Variants in ERICH1 observed in about 807,000 individuals in gnomAD.
ERICH1 encodes glutamate-rich protein 1.
Under a neutral mutation model 39.6 loss-of-function variants are expected in ERICH1, and 56 were observed. The observed-to-expected ratio is 1.41, with a 90% CI of 1.14 to 1.77. The LOEUF is 1.77. Among genes scored for constraint, ERICH1 ranks in the 40% most tolerant of loss-of-function variants. ERICH1 has a pLI of 0.00. For missense variants in ERICH1, 826 were observed against 575.4 expected (o/e 1.44, Z -4.45); for synonymous variants, 313 against 223.6 (o/e 1.40, Z -3.57).
intron 3 of ERICH1, among the ~76,000 whole-genome samples, chr8:641,628 G>A (rs1194836358): frequency 6.6e-6 from 1 of 152,232 alleles, no homozygotes; most frequent in East Asian, 1.9e-4. Flanking sequence ...ACTGGGAGGA[G>A]GTAGTGTGTC....
At chr8:668,529 A>C (rs1034509084) in intron 5 of ERICH1, 69 bp downstream of exon 5, 2 of 1,559,192 alleles carry the variant, frequency 1.3e-6, no homozygotes, top group Non-Finnish European at 1.8e-6. Flanking sequence ...GTGGCGTGTA[A>C]GTCTTTCAGA....
intron 3 of ERICH1, among the ~76,000 whole-genome samples, chr8:688,695 G>C (rs1808220380): frequency 6.6e-6 from 1 of 152,184 alleles, no homozygotes; most frequent in Admixed American, 6.5e-5. Flanking sequence ...AGAGAAGTGG[G>C]GAAAGGTAGT....
At chr8:668,122 T>C (rs1002548386) in intron 5 of ERICH1, 7 of 215,950 alleles carry the variant, frequency 3.2e-5, no homozygotes, top group Non-Finnish European at 5.6e-5. Context: ...GCACACGGCA[T>C]TGGGAAGACA....
chr8:690,471 C>T (rs977509620), intron 3 of ERICH1, among the ~76,000 whole-genome samples: 1 of 152,236 alleles, frequency 6.6e-6, no homozygotes, highest in Non-Finnish European at 1.5e-5. Flanking sequence ...AAGGGCAGGC[C>T]CTCAGCCTGT....
chr8:651,595 G>T (rs1278395084), intron 3 of ERICH1, among the ~76,000 whole-genome samples: 1 of 152,096 alleles, frequency 6.6e-6, no homozygotes, highest in African/African-American at 2.4e-5. Context: ...ACGGAGAGCT[G>T]GGGGCAGGGG....
chr8:694,462 G>A (rs1371757504), intron 2 of ERICH1, among the ~76,000 whole-genome samples: 2 of 152,232 alleles, frequency 1.3e-5, no homozygotes, highest in African/African-American at 4.8e-5. Flanking sequence ...ATGGACACGG[G>A]AGGGATCAGG....
At chr8:724,671 A>G (rs1418616204) in intron 1 of ERICH1, among the ~76,000 whole-genome samples, 1 of 152,002 alleles carries the variant, frequency 6.6e-6, no homozygotes, top group Non-Finnish European at 1.5e-5. Flanking sequence ...GATAAACTAC[A>G]CCTTTTACTC....
chr8:639,588 G>A (rs11775746), intron 3 of ERICH1, among the ~76,000 whole-genome samples: 47,025 of 135,860 alleles, frequency 0.35, 8,704 homozygotes, highest in South Asian at 0.44. Flanking sequence ...TAGCAGACAC[G>A]ACCAAGCACC....
Position 664,458 on chromosome 8 carries a change from C to G in ERICH1, c.*145G>C, listed in dbSNP as rs1315157719. ...TCTCATCTGAAGCCTCAGATGGCAT[C>G]TTGCCCACCAGGAACAAACACGTGA... On this transcript the variant is annotated 3_prime_UTR_variant, in exon 6 of 6. Transcript: ENST00000262109. The G allele has an allele frequency of 2.4e-6, 3 of 1,273,796 alleles. No individual in the cohort carries two copies. The highest frequency in any genetic ancestry group is 3.0e-5 in the African/African-American group (2 of 66,484). 78.9% of individuals were successfully genotyped at this position (1,273,796 alleles called of 1,614,324 possible).
intron 3 of ERICH1, among the ~76,000 whole-genome samples, chr8:618,528 G>A (rs1368758718): frequency 1.3e-5 from 2 of 152,204 alleles, no homozygotes; most frequent in African/African-American, 4.8e-5. Flanking sequence ...GTGGGTACAT[G>A]CTAACTGAGT....
At chr8:674,129 G>C (rs1021001467) in intron 3 of ERICH1, 82 bp from the exon 4 acceptor site, 2 of 1,428,620 alleles carry the variant, frequency 1.4e-6, no homozygotes, top group Non-Finnish European at 1.8e-6. Flanking sequence ...TTTTCCATCA[G>C]GATCTTGTAG....
Position 664,528 on chromosome 8 carries a change from A to C in ERICH1, c.*75T>G. 2 of 1,495,094 alleles carry C rather than the reference A, an allele frequency of 1.3e-6. No homozygotes were observed. Among genetic ancestry groups the C allele is most frequent in the South Asian group, 1.5e-5 (1 of 68,696 alleles). The allele number at this position is 1,495,094 out of a possible 1,614,324, so 92.6% of individuals were successfully genotyped here. On this transcript the variant is annotated 3_prime_UTR_variant, in exon 6 of 6. Transcript: ENST00000262109. The stretch of plus-strand genomic sequence containing the variant: ...TGTCTTTCAAGTTCCCAGAGAACTA[A>C]CTCTAAGCCCATCTCACATTTGTCT...
At position 713,175 on chromosome 8, in the gene ERICH1, C is replaced by G. The variant is rs1297975582; in HGVS notation, c.169+2686G>C. On this transcript the variant is annotated intron_variant, in intron 2 of 5. Transcript: ENST00000262109. ...CAGTAATACTGGATTAGGGTGCACC[C>G]TGACGACTTCATTGACCCTTAATCA... 2.6e-5 allele frequency among the ~76,000 whole-genome samples: 4 copies of G among 152,254 alleles called. No homozygotes were observed. In the East Asian group the frequency reaches 7.7e-4, roughly 29 times the overall value.
Position 705,557 on chromosome 8 carries a change from AC to A in ERICH1, c.169+10303del, listed in dbSNP as rs576859666. Among the ~76,000 whole-genome samples, 175 of 152,332 alleles carry A rather than the reference AC, an allele frequency of 1.1e-3. 1 individual carries two copies. Among genetic ancestry groups the A allele is most frequent in the South Asian group, 7.9e-3 (38 of 4,822 alleles). On this transcript the variant is annotated intron_variant, in intron 2 of 5. Coordinates refer to ENST00000262109, the MANE Select transcript of ERICH1 (RefSeq NM_207332.3). Reference sequence around the variant, plus strand: ...ATGATAAAGGCCACGTATGAAACCCACAGCTAACATCATACAGGATGGTGAA... The same window carrying A: ...ATGATAAAGGCCACGTATGAAACCCAAGCTAACATCATACAGGATGGTGAA...
intron 3 of ERICH1, chr8:637,650 T>C (rs376098064): frequency 2.0e-5 from 3 of 152,260 alleles, no homozygotes; most frequent in Admixed American, 6.5e-5. Context: ...GCTGTGAGGA[T>C]GACCTCACAG....
chr8:699,812 T>TCCGCACCCGCGCACAGAC (rs1811354067), intron 2 of ERICH1, among the ~76,000 whole-genome samples: 1 of 26,934 alleles, frequency 3.7e-5, no homozygotes. Context: ...CGCGCACAGA[T>TCCGCACCCGCGCACAGAC]CCGCACAAGC....
chr8:660,397 G>A (rs77075857), downstream of ERICH1, among the ~76,000 whole-genome samples: 2,428 of 152,326 alleles, frequency 0.016, 27 homozygotes, highest in Middle Eastern at 0.031. Flanking sequence ...CCCTGAGGTC[G>A]GCTGCCAGGT....
At chr8:642,535 G>A (rs1453520894) in intron 3 of ERICH1, among the ~76,000 whole-genome samples, 24 of 151,720 alleles carry the variant, frequency 1.6e-4, no homozygotes, top group Admixed American at 5.9e-4. Context: ...TAGTAGAGAC[G>A]GGGTTTCACT....
chr8:624,759 C>T (rs934229563), intron 3 of ERICH1, among the ~76,000 whole-genome samples: 5 of 151,854 alleles, frequency 3.3e-5, no homozygotes, highest in Non-Finnish European at 7.4e-5. Context: ...GACAGTCTCG[C>T]TCTGTCACCC....
Sources: allele counts gnomAD v4.1 joint callset (sites outside exome capture counted in the v4.1 genomes callset), GRCh38; gene constraint gnomAD v4.1.1; transcripts MANE v1.5; gene names NCBI Gene and HGNC (gene_info 2026-07-23, HGNC 2026-07-21).